COL4A2: variants seen among roughly 807,000 people sequenced by gnomAD.
COL4A2 encodes collagen type IV alpha 2 chain, also known as collagen alpha-2(IV) chain.
In COL4A2, 99 loss-of-function variants were observed where a neutral mutation model predicts 200.2. The ratio of observed to expected loss-of-function variants is 0.49; its 90% confidence interval spans 0.42 to 0.58. The LOEUF is 0.58. COL4A2 is among the 20% of genes least tolerant of loss of function. COL4A2 has a pLI of 0.00. For missense variants in COL4A2, 1,950 were observed against 2,314.1 expected (o/e 0.84, Z 3.23); for synonymous variants, 897 against 900.6 (o/e 1.00, Z 0.07).
intron 4 of COL4A2, among the ~76,000 whole-genome samples, chr13:110,415,930 G>A (rs983348063): frequency 1.3e-5 from 2 of 152,264 alleles, no homozygotes; most frequent in Non-Finnish European, 2.9e-5. Flanking sequence ...CCATGCTCTT[G>A]GGTGTGAAGA....
intron 28 of COL4A2, 65 bp from the exon 29 acceptor site, chr13:110,472,864 G>T: frequency 2.7e-6 from 4 of 1,482,066 alleles, no homozygotes; most frequent in Non-Finnish European, 3.7e-6. Context: ...GCCTCTTTTT[G>T]ACTCTTCTCT....
intron 28 of COL4A2, among the ~76,000 whole-genome samples, chr13:110,472,348 C>G (rs964865263): frequency 6.6e-6 from 1 of 152,042 alleles, no homozygotes; most frequent in Non-Finnish European, 1.5e-5. Flanking sequence ...ATCTCCTGAC[C>G]TCGTGATTCA....
intron 4 of COL4A2, among the ~76,000 whole-genome samples, chr13:110,412,458 G>A (rs1169928157): frequency 5.9e-5 from 9 of 152,184 alleles, no homozygotes; most frequent in Admixed American, 1.3e-4. Flanking sequence ...ACGTCACTCC[G>A]AATCTGCTGA....
chr13:110,393,351 G>A (rs1409758748), intron 4 of COL4A2, among the ~76,000 whole-genome samples: 1 of 152,020 alleles, frequency 6.6e-6, no homozygotes, highest in Non-Finnish European at 1.5e-5. Context: ...TCAAAAGTTT[G>A]GAATTTATAA....
intron 3 of COL4A2, among the ~76,000 whole-genome samples, chr13:110,338,675 G>A (rs1242722893): frequency 6.6e-6 from 1 of 152,196 alleles, no homozygotes; most frequent in East Asian, 1.9e-4. Flanking sequence ...TCTGCAGCTG[G>A]GAAAAGGAGT....
At chr13:110,441,795 G>A (rs1023259000) in intron 16 of COL4A2, among the ~76,000 whole-genome samples, 1 of 151,984 alleles carries the variant, frequency 6.6e-6, no homozygotes, top group East Asian at 1.9e-4. Flanking sequence ...GGGACTTGTA[G>A]TATTTAAAAG....
At chr13:110,343,698 A>T (rs368678743) in intron 3 of COL4A2, among the ~76,000 whole-genome samples, 1 of 152,224 alleles carries the variant, frequency 6.6e-6, no homozygotes, top group Admixed American at 6.5e-5. Flanking sequence ...CTGTGTGCCA[A>T]TGCAAACGGG....
intron 3 of COL4A2, among the ~76,000 whole-genome samples, chr13:110,338,369 C>T (rs1160908268): frequency 6.8e-6 from 1 of 146,260 alleles, no homozygotes; most frequent in Non-Finnish European, 1.5e-5. Flanking sequence ...AGGAGAGAGG[C>T]ACAGTTACTG....
chr13:110,310,072 C>T (rs529203334), intron 3 of COL4A2, among the ~76,000 whole-genome samples: 15 of 152,352 alleles, frequency 9.8e-5, no homozygotes, highest in Admixed American at 4.6e-4. Flanking sequence ...CCCCAGTTTC[C>T]GTACTCTGAA....
intron 34 of COL4A2, 65 bp downstream of exon 34, chr13:110,485,901 A>C (rs1883105824): frequency 6.3e-7 from 1 of 1,592,202 alleles, no homozygotes; most frequent in South Asian, 1.1e-5. Flanking sequence ...GTGAATGGAC[A>C]TGCTTTGGTC....
chr13:110,469,533 T>C (rs1342749151), intron 28 of COL4A2, among the ~76,000 whole-genome samples: 1 of 152,232 alleles, frequency 6.6e-6, no homozygotes, highest in Non-Finnish European at 1.5e-5. Context: ...TATCTACAGA[T>C]CTTGCAGGAA....
At chr13:110,328,537 C>T (rs993186314) in intron 3 of COL4A2, 7 of 152,212 alleles carry the variant, frequency 4.6e-5, no homozygotes, top group African/African-American at 1.7e-4. Flanking sequence ...AATAGAACAG[C>T]GCACTTTTCA....
rs925528432 is a variant in COL4A2 at position 110,337,425 on chromosome 13, C to T, written c.100-20047C>T. Among the ~76,000 whole-genome samples the T allele has an allele frequency of 4.6e-5, 7 of 152,304 alleles. No individual in the cohort carries two copies. The East Asian group carries it at 1.2e-3, about 25-fold the overall frequency. On this transcript the variant is annotated intron_variant, in intron 3 of 47. Transcript: ENST00000360467. The stretch of plus-strand genomic sequence containing the variant: ...GTGATGGTCCCAGCAAGCGTTCCAG[C>T]GGCATCTGCCAAGGCTGGAAGCTGT...
chr13:110,402,174 A>G (rs1048161544), intron 4 of COL4A2, among the ~76,000 whole-genome samples: 13 of 152,230 alleles, frequency 8.5e-5, no homozygotes, highest in Non-Finnish European at 1.6e-4. Flanking sequence ...TAAAGTCCAC[A>G]GTCTCATCTA....
chr13:110,352,561 T>G (rs1239624189), intron 3 of COL4A2, among the ~76,000 whole-genome samples: 1 of 152,322 alleles, frequency 6.6e-6, no homozygotes, highest in African/African-American at 2.4e-5. Flanking sequence ...GTGAATGAAT[T>G]TGTAAAGTGA....
At chr13:110,495,272 C>T in intron 39 of COL4A2, 70 bp from the exon 40 acceptor site, 1 of 1,599,010 alleles carries the variant, frequency 6.3e-7, no homozygotes, top group Non-Finnish European at 8.6e-7. Flanking sequence ...CCAAGCTGTT[C>T]TTTCACTTAG....
chr13:110,357,170 G>A (rs1328946901), intron 3 of COL4A2, among the ~76,000 whole-genome samples: 2 of 152,092 alleles, frequency 1.3e-5, no homozygotes, highest in Admixed American at 1.3e-4. Context: ...CAGACTCAGC[G>A]ATTGTAACCA....
intron 40 of COL4A2, 54 bp downstream of exon 40, chr13:110,495,521 C>A: frequency 6.3e-7 from 1 of 1,584,682 alleles, no homozygotes; most frequent in South Asian, 1.2e-5. Flanking sequence ...AGAACCCACC[C>A]AGAGGTGGGG....
At chr13:110,385,967 ATGGGCCGTGGT>A (rs1464309244) in intron 4 of COL4A2, among the ~76,000 whole-genome samples, 20 of 133,002 alleles carry the variant, frequency 1.5e-4, no homozygotes, top group East Asian at 1.1e-3. Context: ...CAGCGTGTGG[ATGGGCCGTGGT>A]CACAGCGTGT....
Sources: allele counts gnomAD v4.1 joint callset (sites outside exome capture counted in the v4.1 genomes callset), GRCh38; gene constraint gnomAD v4.1.1; transcripts MANE v1.5; gene names NCBI Gene and HGNC (gene_info 2026-07-23, HGNC 2026-07-21).